The following DOCK8 variants were observed in gnomAD, a reference collection of about 807,000 sequenced individuals.
The protein encoded by DOCK8 is dedicator of cytokinesis 8.
DOCK8 carries 141 observed loss-of-function variants against 245.6 expected under a neutral mutation model. The ratio of observed to expected loss-of-function variants is 0.57; its 90% CI spans 0.50 to 0.66. DOCK8 has a LOEUF of 0.66. Among genes scored for constraint, DOCK8 ranks in the 30% least tolerant of loss-of-function variants. The pLI is 0.00. For synonymous variants in DOCK8, 1,168 were observed against 970.2 expected (o/e 1.20, Z -3.79); for missense variants, 2,965 against 2,603.4 (o/e 1.14, Z -3.02).
intron 1 of DOCK8, among the ~76,000 whole-genome samples, chr9:257,657 T>C (rs1487503656): frequency 1.3e-5 from 2 of 152,156 alleles, no homozygotes; most frequent in Non-Finnish European, 2.9e-5. Flanking sequence ...GTAGCTGGGA[T>C]TACAGGCATG....
At chr9:444,630 C>G (rs2057196730) in intron 43 of DOCK8, among the ~76,000 whole-genome samples, 1 of 152,156 alleles carries the variant, frequency 6.6e-6, no homozygotes, top group African/African-American at 2.4e-5. Context: ...CAGAGGTCAT[C>G]CAGTTCCTAC....
chr9:443,572 C>A, intron 43 of DOCK8, 56 bp downstream of exon 43: 2 of 1,329,476 alleles, frequency 1.5e-6, no homozygotes, highest in Non-Finnish European at 2.2e-6. Context: ...TCGTTCTCTA[C>A]CCAAGAATAC....
At chr9:253,005 G>GT (rs1196899917) in intron 1 of DOCK8, among the ~76,000 whole-genome samples, 3 of 152,052 alleles carry the variant, frequency 2.0e-5, no homozygotes, top group Non-Finnish European at 4.4e-5. Context: ...GATTCAAAAT[G>GT]TTTTTTCGGA....
At chr9:434,067 A>G (rs2056812182) in intron 38 of DOCK8, 92 bp downstream of exon 38, 4 of 905,002 alleles carry the variant, frequency 4.4e-6, no homozygotes, top group Admixed American at 3.5e-5. Context: ...CACAGCTAAC[A>G]TGGATATAGT....
chr9:268,036 C>T (rs577334171), intron 1 of DOCK8: 1 of 152,222 alleles, frequency 6.6e-6, no homozygotes, highest in Non-Finnish European at 1.5e-5. Context: ...GGGTGTGAGG[C>T]ATGCTGGTTT....
chr9:217,193 C>T (rs1222848423), intron 1 of DOCK8, among the ~76,000 whole-genome samples: 2 of 152,124 alleles, frequency 1.3e-5, no homozygotes, highest in African/African-American at 2.4e-5. Context: ...GTGTCTGGCT[C>T]AGAATAAATG....
chr9:437,257 C>G, intron 39 of DOCK8, among the ~76,000 whole-genome samples: 1 of 152,230 alleles, frequency 6.6e-6, no homozygotes, highest in East Asian at 1.9e-4. Context: ...AGCTCACTGT[C>G]ATCACCACTT....
At chr9:296,277 G>A (rs1019682678) in intron 4 of DOCK8, among the ~76,000 whole-genome samples, 9 of 152,158 alleles carry the variant, frequency 5.9e-5, no homozygotes, top group African/African-American at 1.9e-4. Context: ...TGATATTAAC[G>A]ATTTTAAGCT....
At chr9:455,439 G>T (rs2057604991) in intron 46 of DOCK8, among the ~76,000 whole-genome samples, 1 of 152,244 alleles carries the variant, frequency 6.6e-6, no homozygotes, top group South Asian at 2.1e-4. Context: ...AGCCCGAGGA[G>T]GTCAAGGCTG....
rs2053224199 is a variant in DOCK8 at position 370,247 on chromosome 9, C to A, written c.1815C>A (p.Ser605=). 2 of 1,614,038 alleles carry A rather than the reference C, an allele frequency of 1.2e-6. No homozygotes were observed. Among genetic ancestry groups the A allele is most frequent in the East Asian group, 4.5e-5 (2 of 44,884 alleles). The change falls in exon 16 of 48, where the codon TCC becomes TCA. Residue 605 remains serine, a synonymous_variant. Transcript: ENST00000432829. ...SNAMPVIFGK[S]SGPEFLQEVY... ...GTGAACAGGTCATCTTTGGAAAATC[C>A]AGCGGGCCTGAATTTCTGCAGGAAG...
At chr9:335,490 G>C (rs2051266079) in intron 11 of DOCK8, among the ~76,000 whole-genome samples, 1 of 152,106 alleles carries the variant, frequency 6.6e-6, no homozygotes, top group African/African-American at 2.4e-5. Flanking sequence ...TGCTATTTTG[G>C]AGTTACTGGT....
intron 1 of DOCK8, among the ~76,000 whole-genome samples, chr9:247,174 A>G (rs12555266): frequency 0.045 from 6,857 of 152,328 alleles, 186 homozygotes; most frequent in South Asian, 0.08. Context: ...ATAGTTCTAC[A>G]TAAATTGTTA....
chr9:419,192 C>T (rs535922455), intron 30 of DOCK8, among the ~76,000 whole-genome samples: 56 of 152,300 alleles, frequency 3.7e-4, no homozygotes, highest in African/African-American at 1.3e-3. Context: ...ACTTTCTTCT[C>T]CCGTGAGAAA....
intron 32 of DOCK8, among the ~76,000 whole-genome samples, chr9:421,826 C>T (rs564375393): frequency 6.6e-6 from 1 of 152,250 alleles, no homozygotes; most frequent in South Asian, 2.1e-4. Context: ...CTCTGACACT[C>T]AGAAAGGCAG....
intron 2 of DOCK8, among the ~76,000 whole-genome samples, chr9:280,143 G>C (rs934809997): frequency 1.6e-4 from 24 of 152,076 alleles, no homozygotes; most frequent in African/African-American, 5.8e-4. Context: ...TCTCAAACTT[G>C]CTTAATTTTA....
intron 12 of DOCK8, among the ~76,000 whole-genome samples, chr9:338,271 T>A (rs1319578244): frequency 6.6e-6 from 1 of 152,206 alleles, no homozygotes; most frequent in African/African-American, 2.4e-5. Context: ...AGCTACGCAG[T>A]CTTCGTGGAG....
At chr9:447,230 C>T (rs947519776) in intron 44 of DOCK8, among the ~76,000 whole-genome samples, 3 of 152,230 alleles carry the variant, frequency 2.0e-5, no homozygotes, top group Non-Finnish European at 4.4e-5. Flanking sequence ...AAGAAGGTCT[C>T]TCAAACCACA....
intron 2 of DOCK8, among the ~76,000 whole-genome samples, chr9:272,588 T>C (rs1385155104): frequency 1.3e-5 from 2 of 152,152 alleles, no homozygotes; most frequent in Non-Finnish European, 2.9e-5. Context: ...GGTCTCGCTA[T>C]GTTGCCCAGG....
At chr9:398,658 A>G (rs2054580281) in intron 25 of DOCK8, among the ~76,000 whole-genome samples, 1 of 152,188 alleles carries the variant, frequency 6.6e-6, no homozygotes, top group Admixed American at 6.5e-5. Flanking sequence ...TTAGGCTGGA[A>G]ATGCTGCCTA....
Sources: gnomAD v4.1 joint callset for allele counts (sites outside exome capture counted in the v4.1 genomes callset) on GRCh38, gnomAD v4.1.1 for gene constraint, MANE v1.5 for transcripts, NCBI Gene and HGNC (gene_info 2026-07-23, HGNC 2026-07-21) for gene names.